Variants in NAALADL2 observed in about 807,000 individuals in gnomAD.
NAALADL2 encodes inactive N-acetylated-alpha-linked acidic dipeptidase-like protein 2.
In NAALADL2, 76 loss-of-function variants were observed where a neutral mutation model predicts 87.2. The observed-to-expected ratio is 0.87, with a 90% CI of 0.72 to 1.05. The LOEUF is 1.05. Ranked by LOEUF, NAALADL2 falls within the 50% of genes least tolerant of loss-of-function variation. NAALADL2 has a pLI of 0.00. For synonymous variants in NAALADL2, 354 were observed against 331.0 expected (o/e 1.07, Z -0.75); for missense variants, 1,089 against 945.8 (o/e 1.15, Z -1.99).
At chr3:175,329,013 A>C (rs1432509786) in intron 5 of NAALADL2, among the ~76,000 whole-genome samples, 3 of 152,204 alleles carry the variant, frequency 2.0e-5, no homozygotes, top group Non-Finnish European at 4.4e-5. Context: ...CTTTTCTTCC[A>C]TCTACTTTCT....
At chr3:175,282,911 CT>C (rs77457477) in intron 4 of NAALADL2, among the ~76,000 whole-genome samples, 1,544 of 137,012 alleles carry the variant, frequency 0.011, 16 homozygotes, top group African/African-American at 0.027. Context: ...TTTCTGTCTT[CT>C]TTTTTTTTTT....
chr3:175,480,337 C>T (rs1306807236), intron 9 of NAALADL2, among the ~76,000 whole-genome samples: 4 of 151,846 alleles, frequency 2.6e-5, no homozygotes, highest in African/African-American at 4.8e-5. Context: ...ATAAACATAG[C>T]GCATTGTTGT....
intron 1 of NAALADL2, among the ~76,000 whole-genome samples, chr3:175,054,339 G>A (rs1193238648): frequency 6.6e-6 from 1 of 152,174 alleles, no homozygotes; most frequent in Non-Finnish European, 1.5e-5. Context: ...CATCTAAAGG[G>A]ATAGTAAAGA....
intron 3 of NAALADL2, among the ~76,000 whole-genome samples, chr3:174,797,298 CTTTTTTCTTTTTTTTTTTTTTTT>C (rs1029681068): frequency 1.0e-5 from 1 of 97,728 alleles, no homozygotes; most frequent in African/African-American, 4.7e-5. Flanking sequence ...TTTTGTTTTT[CTTTTTTCTTTTTTTTTTTTTTTT>C]TTTTTTTTGA....
rs541509352 is a variant in NAALADL2 at position 175,050,806 on chromosome 3, C to A, written c.44-45984C>A. ...GACCACATCTAATTGAGAGTGTTAT[C>A]TTCAGTTATGAGTGCACATAAGAGT... On this transcript the variant is annotated intron_variant, in intron 1 of 13. Coordinates refer to ENST00000454872, the MANE Select transcript of NAALADL2 (RefSeq NM_207015.3). Among the ~76,000 whole-genome samples the A allele has an allele frequency of 2.3e-3, 352 of 152,218 alleles. 1 individual carries two copies. Among genetic ancestry groups the A allele is most frequent in the African/African-American group, 8.1e-3 (337 of 41,532 alleles).
intron 1 of NAALADL2, among the ~76,000 whole-genome samples, chr3:174,875,464 T>C (rs993868324): frequency 2.0e-5 from 3 of 152,152 alleles, no homozygotes; most frequent in African/African-American, 4.8e-5. Flanking sequence ...AATTTTTATG[T>C]TTATGTACCT....
chr3:175,230,513 GA>G (rs1331166105), intron 2 of NAALADL2, among the ~76,000 whole-genome samples: 11 of 151,924 alleles, frequency 7.2e-5, no homozygotes, highest in Non-Finnish European at 1.5e-4. Context: ...AATAATACAT[GA>G]AAAGCTCCTC....
At chr3:174,608,555 A>C (rs1719391243) in intron 2 of NAALADL2, among the ~76,000 whole-genome samples, 1 of 152,004 alleles carries the variant, frequency 6.6e-6, no homozygotes, top group Admixed American at 6.6e-5. Flanking sequence ...ATAAACTAGA[A>C]AATCTAGAAG....
chr3:175,739,819 A>G (rs1222709321), intron 12 of NAALADL2, among the ~76,000 whole-genome samples: 1 of 152,258 alleles, frequency 6.6e-6, no homozygotes, highest in Non-Finnish European at 1.5e-5. Flanking sequence ...TAGCATAAAT[A>G]AAAGCAAATC....
At chr3:174,514,661 A>G (rs563736955) in intron 1 of NAALADL2, among the ~76,000 whole-genome samples, 15 of 152,158 alleles carry the variant, frequency 9.9e-5, no homozygotes, top group Non-Finnish European at 1.5e-4. Flanking sequence ...TCATAGGAGT[A>G]TATTTGCTTT....
rs531425677 is a variant in NAALADL2, at chr3:174,774,209, T to C, written c.-9+36463T>C. On this transcript the variant is annotated intron_variant, in intron 3 of 3. Coordinates refer to the NAALADL2 transcript ENST00000434257. Reference sequence around the variant, plus strand: ...CCAATAGATACTACCTTAGCTACCCTCTGTGGCATTCATGTGGTCCATCAG... The same window carrying C: ...CCAATAGATACTACCTTAGCTACCCCCTGTGGCATTCATGTGGTCCATCAG... Among the ~76,000 whole-genome samples, 10 of 152,276 alleles carry C rather than the reference T, an allele frequency of 6.6e-5. 1 individual carries two copies. The highest frequency in any genetic ancestry group is 2.4e-4 in the African/African-American group (10 of 41,566).
At chr3:174,971,665 C>CTGTG (rs10662918) in intron 1 of NAALADL2, among the ~76,000 whole-genome samples, 48,218 of 144,564 alleles carry the variant, frequency 0.33, 8,138 homozygotes, top group Non-Finnish European at 0.39. Context: ...GTATGCTAGA[C>CTGTG]TGTGTGTGTG....
chr3:174,846,952 C>T (rs1724690772), intron 3 of NAALADL2, among the ~76,000 whole-genome samples: 1 of 151,998 alleles, frequency 6.6e-6, no homozygotes, highest in Non-Finnish European at 1.5e-5. Flanking sequence ...AATGGCCTCA[C>T]CTAGAGGAAA....
intron 1 of NAALADL2, chr3:174,523,471 G>T (rs548893333): frequency 6.6e-6 from 1 of 152,188 alleles, no homozygotes; most frequent in South Asian, 2.1e-4. Context: ...GATCAATGAT[G>T]GTTAACATGA....
rs552752477 is a variant in NAALADL2, at chr3:174,918,506, T to A, written c.43+59056T>A. The stretch of plus-strand genomic sequence containing the variant: ...CAGCTCAGCTAAGCTCACTTGTGCA[T>A]CTGTACTCAGTTTTGTGGATCATCT... On this transcript the variant is annotated intron_variant, in intron 1 of 13. Transcript: ENST00000454872. Among the ~76,000 whole-genome samples, 4 of 152,192 alleles carry A rather than the reference T, an allele frequency of 2.6e-5. No homozygotes were observed. The East Asian group carries it at 7.7e-4, about 29-fold the overall frequency.
At chr3:175,639,005 G>A (rs990085795) in intron 11 of NAALADL2, among the ~76,000 whole-genome samples, 1 of 152,102 alleles carries the variant, frequency 6.6e-6, no homozygotes, top group Non-Finnish European at 1.5e-5. Context: ...GTCCCAACAT[G>A]CCTAACAGTG....
intron 9 of NAALADL2, among the ~76,000 whole-genome samples, chr3:175,533,798 A>C (rs1438191065): frequency 6.6e-6 from 1 of 152,014 alleles, no homozygotes; most frequent in African/African-American, 2.4e-5. Context: ...TAAGACTCTC[A>C]CTCAGGCCAA....
At chr3:174,457,364 A>T (rs1715910315) in intron 1 of NAALADL2, among the ~76,000 whole-genome samples, 1 of 152,170 alleles carries the variant, frequency 6.6e-6, no homozygotes, top group African/African-American at 2.4e-5. Flanking sequence ...TATGTACCCA[A>T]AGTAATATAC....
At chr3:175,162,838 T>C (rs1317804836) in intron 2 of NAALADL2, among the ~76,000 whole-genome samples, 3 of 152,164 alleles carry the variant, frequency 2.0e-5, no homozygotes, top group Admixed American at 1.3e-4. Flanking sequence ...GATACCTGTG[T>C]ATTATTTAAA....
Sources: gnomAD v4.1 joint callset for allele counts (sites outside exome capture counted in the v4.1 genomes callset) on GRCh38, gnomAD v4.1.1 for gene constraint, MANE v1.5 for transcripts, NCBI Gene and HGNC (gene_info 2026-07-23, HGNC 2026-07-21) for gene names.